Variants in UGP2 observed in about 807,000 individuals in gnomAD.
UGP2 encodes UTP--glucose-1-phosphate uridylyltransferase.
In UGP2, 40 loss-of-function variants were observed where a neutral mutation model predicts 49.0. The observed-to-expected ratio is 0.82, with a 90% CI of 0.63 to 1.06. UGP2 has a LOEUF of 1.06. UGP2 is among the 50% of genes least tolerant of loss of function. UGP2 has a pLI of 0.00. For missense variants in UGP2, 460 were observed against 603.5 expected, an observed-to-expected ratio of 0.76 and a Z score of 2.49; for synonymous variants, 225 against 213.0, an observed-to-expected ratio of 1.06 and a Z score of -0.49.
chr2:63,871,533 G>A (rs1008496039), intron 3 of UGP2, among the ~76,000 whole-genome samples: 30 of 152,114 alleles, frequency 2.0e-4, no homozygotes, highest in Non-Finnish European at 2.2e-4. Context: ...TGATCCGCCC[G>A]CCTCGGCCTC....
chr2:63,871,346 T>C (rs4671536), intron 3 of UGP2, among the ~76,000 whole-genome samples: 146,877 of 152,216 alleles, frequency 0.96, 70,897 homozygotes, highest in East Asian at 1. Context: ...AGTGCAGTGG[T>C]GCAATCTTGG....
At chr2:63,844,222 T>C (rs1671775731) in intron 1 of UGP2, among the ~76,000 whole-genome samples, 1 of 152,234 alleles carries the variant, frequency 6.6e-6, no homozygotes, top group Non-Finnish European at 1.5e-5. Flanking sequence ...TCTGCTGCTG[T>C]TGTAAATGAT....
At chr2:63,857,983 C>G in intron 3 of UGP2, 47 bp downstream of exon 3, 1 of 1,553,292 alleles carries the variant, frequency 6.4e-7, no homozygotes, top group Non-Finnish European at 8.9e-7. Flanking sequence ...ATCTTGGGCA[C>G]TGGTTTTAAC....
In UGP2 at chr2:63,863,018, G is replaced by A. The variant is rs112308322; in HGVS notation, c.255+5082G>A. 2.0e-4 allele frequency: 67 copies of A among 338,216 alleles called. 4 individuals carry two copies. Among genetic ancestry groups the A allele is most frequent in the African/African-American group, 1.0e-3 (46 of 46,194 alleles). 21.0% of individuals were successfully genotyped at this position (338,216 alleles called of 1,614,324 possible). On this transcript the variant is annotated intron_variant, in intron 3 of 9. Transcript: ENST00000337130. ...TCCTTTCTAATCATACTAAAGTGGA[G>A]TGTTCTTTTAAAACTATCTTCTTAG...
intron 1 of UGP2, 177 bp downstream of exon 1, chr2:63,842,381 G>A (rs1183502926): frequency 1.3e-6 from 2 of 1,598,740 alleles, no homozygotes; most frequent in Non-Finnish European, 8.5e-7. Flanking sequence ...CGTTCCAGAC[G>A]CGTATAATTT....
chr2:63,865,174 A>G (rs1204939276), intron 3 of UGP2, among the ~76,000 whole-genome samples: 1 of 152,158 alleles, frequency 6.6e-6, no homozygotes, highest in Non-Finnish European at 1.5e-5. Flanking sequence ...TGGGAATGCA[A>G]AAATAAAGAC....
chr2:63,890,638 C>G (rs961142222), intron 9 of UGP2, among the ~76,000 whole-genome samples: 1 of 152,138 alleles, frequency 6.6e-6, no homozygotes, highest in African/African-American at 2.4e-5. Flanking sequence ...ATTAAAGCTA[C>G]TTACTTAAAT....
At chr2:63,884,188 A>G in intron 5 of UGP2, 95 bp downstream of exon 5, 1 of 1,435,494 alleles carries the variant, frequency 7.0e-7, no homozygotes, top group Non-Finnish European at 9.4e-7. Context: ...ATGTACAGGT[A>G]CCAAATATTG....
chr2:63,890,070 T>A lies in UGP2; in HGVS notation c.1315-11T>A. ...TTGAGACAAATTTTTATGTTTCTCCTTTTCTGTAAGGTTCAAGATTATCTA... is the reference window on the plus strand; with the variant it reads ...TTGAGACAAATTTTTATGTTTCTCCATTTCTGTAAGGTTCAAGATTATCTA... On this transcript the variant is annotated splice_polypyrimidine_tract_variant and intron_variant, in intron 8 of 9. Transcript: ENST00000337130. The A allele has an allele frequency of 6.3e-7, 1 of 1,587,390 alleles. No homozygotes were observed. The highest frequency in any genetic ancestry group is 8.6e-7 in the Non-Finnish European group (1 of 1,167,222).
intron 3 of UGP2, among the ~76,000 whole-genome samples, chr2:63,874,744 G>A (rs1284854469): frequency 6.6e-6 from 1 of 150,782 alleles, no homozygotes; most frequent in Non-Finnish European, 1.5e-5. Flanking sequence ...ATGAGTTCTC[G>A]TTTCATTAGT....
chr2:63,884,723 G>A (rs1558961061), intron 5 of UGP2, among the ~76,000 whole-genome samples: 1 of 151,876 alleles, frequency 6.6e-6, no homozygotes, highest in Non-Finnish European at 1.5e-5. Flanking sequence ...ACCAGCCTGG[G>A]CAACATAATG....
chr2:63,882,176 C>G (rs1286114909), intron 3 of UGP2, among the ~76,000 whole-genome samples: 2 of 152,166 alleles, frequency 1.3e-5, no homozygotes, highest in African/African-American at 4.8e-5. Context: ...TCCAAGAGAT[C>G]TGGATGTTCT....
rs1430663805 is a variant in UGP2 at position 63,853,694 on chromosome 2, C to CAGGGAAGGG, written c.20-2612_20-2611insAGGGAAGGG. ...TGTCAGGGAAGGGTATTATGTATCCCTCTTACTTGCTGAAATACATGAAAT... is the reference window on the plus strand; with the variant it reads ...TGTCAGGGAAGGGTATTATGTATCCCAGGGAAGGGTCTTACTTGCTGAAATACATGAAAT... On this transcript the variant is annotated intron_variant, in intron 1 of 9. Coordinates refer to ENST00000337130, the MANE Select transcript of UGP2 (RefSeq NM_006759.4). Among the ~76,000 whole-genome samples, 393 of 152,224 alleles carry CAGGGAAGGG rather than the reference C, an allele frequency of 2.6e-3. 2 individuals carry two copies. The highest frequency in any genetic ancestry group is 9.1e-3 in the African/African-American group (377 of 41,520).
Position 63,856,361 on chromosome 2 carries a change from G to T in UGP2, c.75G>T (p.Arg25=). Residue 25 remains arginine (R), a synonymous_variant, in exon 2 of 10, where the codon CGG becomes CGT. Coordinates refer to ENST00000337130, the MANE Select transcript of UGP2 (RefSeq NM_006759.4). ...DGASQFQEVI[R]QELELSVKKE... is the part of the protein sequence containing the mutation. ...CTTCTCAGTTCCAAGAAGTCATTCG[G>T]CAAGAGCTAGAATTATCTGTGAAGA... The T allele has an allele frequency of 1.2e-6, 2 of 1,613,908 alleles. No individual in the cohort carries two copies. The highest frequency in any genetic ancestry group is 4.5e-5 in the East Asian group (2 of 44,884).
chr2:63,847,468 C>T (rs1290614046), intron 1 of UGP2, among the ~76,000 whole-genome samples: 1 of 152,194 alleles, frequency 6.6e-6, no homozygotes, highest in Non-Finnish European at 1.5e-5. Context: ...TATAGGCTTT[C>T]ATGCTCGTCC....
At chr2:63,860,218 C>T (rs1558941879) in intron 3 of UGP2, among the ~76,000 whole-genome samples, 1 of 152,200 alleles carries the variant, frequency 6.6e-6, no homozygotes, top group African/African-American at 2.4e-5. Context: ...TAACATTTCT[C>T]ATGTCAGCCT....
intron 8 of UGP2, 76 bp downstream of exon 8, chr2:63,887,720 G>A: frequency 1.3e-6 from 2 of 1,549,086 alleles, no homozygotes; most frequent in Non-Finnish European, 1.8e-6. Context: ...CATGTGAATT[G>A]GAGACTAATT....
chr2:63,866,540 G>GA (rs1447842020), intron 3 of UGP2, among the ~76,000 whole-genome samples: 1 of 152,140 alleles, frequency 6.6e-6, no homozygotes, highest in Non-Finnish European at 1.5e-5. Flanking sequence ...GTATGAGTAA[G>GA]AGTTTGCCCA....
chr2:63,843,270 A>T (rs767800028), intron 1 of UGP2, among the ~76,000 whole-genome samples: 1 of 152,234 alleles, frequency 6.6e-6, no homozygotes, highest in Non-Finnish European at 1.5e-5. Flanking sequence ...AACAGATCGA[A>T]CGCTATGCTT....
Sources: allele counts gnomAD v4.1 joint callset (sites outside exome capture counted in the v4.1 genomes callset), GRCh38; gene constraint gnomAD v4.1.1; transcripts MANE v1.5; gene names NCBI Gene and HGNC (gene_info 2026-07-23, HGNC 2026-07-21).